Variants in LYRM4 observed in about 807,000 individuals in gnomAD.
The protein encoded by LYRM4 is LYR motif containing 4, also known as LYR motif-containing protein 4.
Under a neutral mutation model 11.7 loss-of-function variants are expected in LYRM4, and 9 were observed. The ratio of observed to expected loss-of-function variants is 0.77; its 90% CI spans 0.46 to 1.34. LYRM4 has a LOEUF of 1.34. Ranked by LOEUF, LYRM4 falls within the 40% of genes most tolerant of loss-of-function variation. LYRM4 has a pLI of 0.00. For synonymous variants in LYRM4, 42 were observed against 40.4 expected (o/e 1.04, Z -0.15); for missense variants, 133 against 112.5 (o/e 1.18, Z -0.82).
the LYRM4 span, chr6:5,084,588 G>C: frequency 1.3e-5 from 2 of 152,096 alleles, no homozygotes; most frequent in Admixed American, 1.3e-4. Context: ...AATGGCCTCC[G>C]GCCGCTCTCG....
intron 2 of LYRM4, among the ~76,000 whole-genome samples, chr6:5,184,703 T>A (rs1012931726): frequency 3.9e-5 from 6 of 152,208 alleles, no homozygotes; most frequent in African/African-American, 1.4e-4. Flanking sequence ...CACTGTAACA[T>A]CCACTCATTC....
chr6:5,126,659 G>T (rs2127608079), intron 2 of LYRM4, among the ~76,000 whole-genome samples: 1 of 152,334 alleles, frequency 6.6e-6, no homozygotes, highest in Middle Eastern at 3.4e-3. Context: ...TCAAAAAGGA[G>T]TGAAGTTCAG....
At chr6:5,257,347 C>A (rs1436407134) in intron 1 of LYRM4, among the ~76,000 whole-genome samples, 1 of 152,176 alleles carries the variant, frequency 6.6e-6, no homozygotes, top group East Asian at 1.9e-4. Context: ...TCCAACATCA[C>A]CCCTTGGGAG....
intron 2 of LYRM4, among the ~76,000 whole-genome samples, chr6:5,168,716 C>T (rs1034403890): frequency 7.2e-5 from 11 of 152,048 alleles, no homozygotes; most frequent in African/African-American, 1.7e-4. Flanking sequence ...TTGTATTTTC[C>T]GGCAATGGAT....
chr6:5,145,125 G>A (rs1186513625), intron 2 of LYRM4, among the ~76,000 whole-genome samples: 1 of 152,182 alleles, frequency 6.6e-6, no homozygotes, highest in East Asian at 1.9e-4. Flanking sequence ...ACACCAACCT[G>A]GCATTTCACA....
At chr6:5,259,907 A>G (rs1032140042) in intron 1 of LYRM4, among the ~76,000 whole-genome samples, 1 of 152,242 alleles carries the variant, frequency 6.6e-6, no homozygotes, top group Non-Finnish European at 1.5e-5. Context: ...GCTCTGAATT[A>G]GAAAAAACAT....
downstream of LYRM4, chr6:5,104,581 G>A (rs981163407): frequency 6.6e-6 from 1 of 152,138 alleles, no homozygotes; most frequent in Non-Finnish European, 1.5e-5. Context: ...CAACTCCAGT[G>A]ATTTTTAAAA....
intron 2 of LYRM4, among the ~76,000 whole-genome samples, chr6:5,210,122 G>C (rs151067533): frequency 2.0e-5 from 3 of 152,124 alleles, no homozygotes; most frequent in Non-Finnish European, 4.4e-5. Context: ...TAAATATATA[G>C]CTGGCATATA....
chr6:5,083,420 T>C, the LYRM4 span, among the ~76,000 whole-genome samples: 12 of 152,254 alleles, frequency 7.9e-5, no homozygotes, highest in African/African-American at 2.9e-4. Context: ...GACACAGTCA[T>C]GGAATTCCAC....
the LYRM4 span, among the ~76,000 whole-genome samples, chr6:5,082,252 G>A: frequency 6.6e-6 from 1 of 152,160 alleles, no homozygotes; most frequent in Admixed American, 6.5e-5. Context: ...CTAAGCTGTG[G>A]AGACAGACAC....
At chr6:5,253,550 G>A (rs150811511) in intron 1 of LYRM4, among the ~76,000 whole-genome samples, 1 of 152,014 alleles carries the variant, frequency 6.6e-6, no homozygotes, top group Non-Finnish European at 1.5e-5. Context: ...AAGCTGCAGC[G>A]ACAACTTGCG....
chr6:5,134,396 A>G (rs1208170124), intron 2 of LYRM4, among the ~76,000 whole-genome samples: 2 of 152,274 alleles, frequency 1.3e-5, no homozygotes, highest in African/African-American at 2.4e-5. Flanking sequence ...TGGGGCCTAT[A>G]GATTTCTTTT....
chr6:5,259,406 A>T (rs1764844591), intron 1 of LYRM4, among the ~76,000 whole-genome samples: 1 of 152,244 alleles, frequency 6.6e-6, no homozygotes, highest in African/African-American at 2.4e-5. Flanking sequence ...ATTAAGTAAA[A>T]TCATTCTCTC....
At chr6:5,246,533 T>C (rs942804963) in intron 1 of LYRM4, among the ~76,000 whole-genome samples, 15 of 152,206 alleles carry the variant, frequency 9.9e-5, no homozygotes, top group African/African-American at 3.4e-4. Flanking sequence ...GCTGCTGTAC[T>C]TGAGAAACCT....
Position 5,260,612 on chromosome 6 carries a change from C to T in LYRM4, c.86+36G>A, listed in dbSNP as rs1415901083. 2.2e-5 allele frequency: 17 copies of T among 775,756 alleles called. 1 individual carries two copies. Among genetic ancestry groups the T allele is most frequent in the Non-Finnish European group, 3.4e-5 (17 of 495,858 alleles). 48.1% of individuals were successfully genotyped at this position (775,756 alleles called of 1,614,324 possible). On this transcript the variant is annotated intron_variant, in intron 1 of 2. Transcript: ENST00000330636. ...CGCACCCCCGGTCCCCGGCCCCTGGCCCCCCGCCCCCGGCCCCCGGTGCCC... is the reference window on the plus strand; with the variant it reads ...CGCACCCCCGGTCCCCGGCCCCTGGTCCCCCGCCCCCGGCCCCCGGTGCCC...
At chr6:5,067,882 G>T in the LYRM4 span, among the ~76,000 whole-genome samples, 1 of 152,144 alleles carries the variant, frequency 6.6e-6, no homozygotes, top group Admixed American at 6.5e-5. Flanking sequence ...AAAAGATTAC[G>T]TATATAGTGT....
intron 2 of LYRM4, among the ~76,000 whole-genome samples, chr6:5,171,870 G>T (rs907760412): frequency 6.6e-6 from 1 of 152,106 alleles, no homozygotes; most frequent in East Asian, 1.9e-4. Context: ...GAAGGGATAC[G>T]GGAAGAATTA....
chr6:5,192,458 A>G (rs1414614810), intron 2 of LYRM4, among the ~76,000 whole-genome samples: 2 of 152,222 alleles, frequency 1.3e-5, no homozygotes, highest in Admixed American at 6.5e-5. Flanking sequence ...ACATGTAGTA[A>G]GGCTCTGTCA....
the LYRM4 span, chr6:5,066,508 C>G: frequency 5.1e-6 from 4 of 789,100 alleles, no homozygotes; most frequent in African/African-American, 5.1e-5. Flanking sequence ...ATTACTCCAC[C>G]ACTTCTAGGA....
Sources: gnomAD v4.1 joint callset for allele counts (sites outside exome capture counted in the v4.1 genomes callset) on GRCh38, gnomAD v4.1.1 for gene constraint, MANE v1.5 for transcripts, NCBI Gene and HGNC (gene_info 2026-07-23, HGNC 2026-07-21) for gene names.